Variants in TMEM132D observed in about 807,000 individuals in gnomAD.
The protein encoded by TMEM132D is transmembrane protein 132D, also known as mature OL transmembrane protein.
TMEM132D carries 21 observed loss-of-function variants against 62.3 expected under a neutral mutation model. That is an observed-to-expected ratio of 0.34 (90% CI 0.24 to 0.49). The LOEUF (loss-of-function observed/expected upper bound fraction) is 0.49, where lower values mean the gene tolerates loss of function less well. Ranked by LOEUF, TMEM132D falls within the 20% of genes least tolerant of loss-of-function variation. TMEM132D has a pLI of 0.99. For missense variants in TMEM132D, 1,346 were observed against 1,402.8 expected, an observed-to-expected ratio of 0.96 and a Z score of 0.65; for synonymous variants, 621 against 575.6, an observed-to-expected ratio of 1.08 and a Z score of -1.13.
At chr12:129,401,789 C>T (rs932728819) in intron 3 of TMEM132D, among the ~76,000 whole-genome samples, 1 of 152,090 alleles carries the variant, frequency 6.6e-6, no homozygotes, top group Non-Finnish European at 1.5e-5. Context: ...CTCCACTCCT[C>T]AACCTCCACC....
intron 3 of TMEM132D, among the ~76,000 whole-genome samples, chr12:129,405,340 A>C (rs1871749796): frequency 6.6e-6 from 1 of 152,056 alleles, no homozygotes; most frequent in Non-Finnish European, 1.5e-5. Context: ...TACCCTCATG[A>C]CCTTACCTAA....
chr12:129,670,034 C>A (rs536881150), intron 2 of TMEM132D, among the ~76,000 whole-genome samples: 39 of 152,232 alleles, frequency 2.6e-4, no homozygotes, highest in Middle Eastern at 3.4e-3. Flanking sequence ...TGCCTTTTCC[C>A]ATCTTCACAG....
At chr12:129,890,231 T>C (rs1436489530) in intron 1 of TMEM132D, among the ~76,000 whole-genome samples, 1 of 152,180 alleles carries the variant, frequency 6.6e-6, no homozygotes, top group African/African-American at 2.4e-5. Flanking sequence ...AGCAGGTGCA[T>C]CCATCTGGAA....
At chr12:129,263,022 G>A (rs923771557) in intron 4 of TMEM132D, among the ~76,000 whole-genome samples, 2 of 152,098 alleles carry the variant, frequency 1.3e-5, no homozygotes, top group African/African-American at 4.8e-5. Flanking sequence ...TGAGAAAGTC[G>A]CGTCTGAGAA....
At chr12:129,336,273 T>C (rs561630168) in intron 4 of TMEM132D, among the ~76,000 whole-genome samples, 5 of 152,284 alleles carry the variant, frequency 3.3e-5, no homozygotes, top group African/African-American at 9.6e-5. Context: ...TCTACCATTA[T>C]ACATTCTTAG....
chr12:129,170,327 T>C (rs1329793663), intron 5 of TMEM132D: 1 of 152,158 alleles, frequency 6.6e-6, no homozygotes, highest in Admixed American at 6.6e-5. Flanking sequence ...AAATAAGCCC[T>C]GAAAATATTT....
In TMEM132D at chr12:129,273,790, A is replaced by G. The variant is rs140280880; in HGVS notation, c.1299+63844T>C. 5.7e-4 allele frequency among the ~76,000 whole-genome samples: 87 copies of G among 151,702 alleles called. 1 individual carries two copies. Among genetic ancestry groups the G allele is most frequent in the African/African-American group, 1.9e-3 (80 of 41,072 alleles). On this transcript the variant is annotated intron_variant, in intron 4 of 8. Coordinates refer to ENST00000422113, the MANE Select transcript of TMEM132D (RefSeq NM_133448.3). Reference sequence around the variant, plus strand: ...CGAGTGGGGAGGTAGGGAGGAAAAAACTGTCTATTGGGTGCTGTGCTCACT... The same window carrying G: ...CGAGTGGGGAGGTAGGGAGGAAAAAGCTGTCTATTGGGTGCTGTGCTCACT...
At chr12:129,216,698 C>CA (rs1879212910) in intron 4 of TMEM132D, among the ~76,000 whole-genome samples, 1 of 152,200 alleles carries the variant, frequency 6.6e-6, no homozygotes, top group Non-Finnish European at 1.5e-5. Context: ...CACTTCAGTA[C>CA]AGCAGCACTA....
chr12:129,413,853 C>T (rs957104109), intron 3 of TMEM132D, among the ~76,000 whole-genome samples: 3 of 152,196 alleles, frequency 2.0e-5, no homozygotes, highest in African/African-American at 7.2e-5. Context: ...ATATTCCTTT[C>T]ATGAAAAGTC....
chr12:129,527,000 A>G (rs1363574917), intron 3 of TMEM132D, among the ~76,000 whole-genome samples: 1 of 152,150 alleles, frequency 6.6e-6, no homozygotes, highest in East Asian at 1.9e-4. Flanking sequence ...AGATATTCCT[A>G]TTTGTTTCAG....
chr12:129,372,643 T>C (rs1432889880), intron 3 of TMEM132D, among the ~76,000 whole-genome samples: 4 of 152,048 alleles, frequency 2.6e-5, no homozygotes, highest in Non-Finnish European at 5.9e-5. Context: ...AGGGATACTA[T>C]GCTGTAGTGC....
At chr12:129,678,047 G>C (rs1186266642) in intron 2 of TMEM132D, among the ~76,000 whole-genome samples, 1 of 152,070 alleles carries the variant, frequency 6.6e-6, no homozygotes, top group Non-Finnish European at 1.5e-5. Flanking sequence ...GTAGGAATAT[G>C]TCAAAATTTA....
intron 5 of TMEM132D, among the ~76,000 whole-genome samples, chr12:129,087,962 GGGTGTCCTCCATGACC>G (rs1874694083): frequency 1.1e-5 from 1 of 94,406 alleles, no homozygotes; most frequent in Non-Finnish European, 2.3e-5. Flanking sequence ...TCCCTGACCG[GGGTGTCCTCCATGACC>G]GGGTGTCCTC....
At chr12:129,584,890 G>A (rs560185592) in intron 2 of TMEM132D, among the ~76,000 whole-genome samples, 1 of 152,336 alleles carries the variant, frequency 6.6e-6, no homozygotes, top group East Asian at 1.9e-4. Context: ...TCTCTCTCAT[G>A]TGGCAACAGG....
Position 129,277,177 on chromosome 12 carries a change from A to G in TMEM132D, c.1299+60457T>C, listed in dbSNP as rs1337722011. On this transcript the variant is annotated intron_variant, in intron 4 of 8. Coordinates refer to ENST00000422113, the MANE Select transcript of TMEM132D (RefSeq NM_133448.3). This position sits in a 1 kb window ranked among gnomAD's most constrained non-coding sequence, Gnocchi z 4.2. ...AGTGGGTGTGTGGAGAACAAAAACT[A>G]TGGAAACAAGCCTGGCTTTTTCCTT... Among the ~76,000 whole-genome samples, 4 of 152,190 alleles carry G rather than the reference A, an allele frequency of 2.6e-5. No homozygotes were observed. Among genetic ancestry groups the G allele is most frequent in the African/African-American group, 9.7e-5 (4 of 41,444 alleles).
intron 1 of TMEM132D, among the ~76,000 whole-genome samples, chr12:129,751,320 A>G (rs1350837705): frequency 6.6e-6 from 1 of 152,166 alleles, no homozygotes; most frequent in Admixed American, 6.5e-5. Context: ...CACATGACGC[A>G]CTTTGAAACC....
At chr12:129,280,021 A>G (rs1201502780) in intron 4 of TMEM132D, among the ~76,000 whole-genome samples, 1 of 152,248 alleles carries the variant, frequency 6.6e-6, no homozygotes, top group Non-Finnish European at 1.5e-5. Context: ...AATTAGCCTC[A>G]AGACAATGTT....
chr12:129,299,121 T>C (rs1881645348), intron 4 of TMEM132D, among the ~76,000 whole-genome samples: 2 of 152,174 alleles, frequency 1.3e-5, no homozygotes, highest in Non-Finnish European at 2.9e-5. Context: ...GGTTCAGATA[T>C]GACATCTGAT....
intron 3 of TMEM132D, among the ~76,000 whole-genome samples, chr12:129,518,974 T>C (rs774993745): frequency 2.6e-5 from 4 of 152,190 alleles, no homozygotes; most frequent in Non-Finnish European, 5.9e-5. Flanking sequence ...TCTTTGAAGC[T>C]TTCCATTGGT....
Sources: allele counts gnomAD v4.1 joint callset (sites outside exome capture counted in the v4.1 genomes callset), GRCh38; gene constraint gnomAD v4.1.1; non-coding constraint Gnocchi (gnomAD v3.1); transcripts MANE v1.5; gene names NCBI Gene and HGNC (gene_info 2026-07-23, HGNC 2026-07-21).